Variants in ZFHX3 observed in about 807,000 individuals in gnomAD.
The protein encoded by ZFHX3 is zinc finger homeobox protein 3.
Under a neutral mutation model 279.1 loss-of-function variants are expected in ZFHX3, and 42 were observed. The ratio of observed to expected loss-of-function variants is 0.15; its 90% CI spans 0.12 to 0.19. ZFHX3 has a LOEUF of 0.19. ZFHX3 is among the 10% of genes least tolerant of loss of function. ZFHX3 has a pLI of 1.00. For missense variants in ZFHX3, 4,981 were observed against 4,754.0 expected (o/e 1.05, Z -1.40); for synonymous variants, 2,293 against 1,957.8 (o/e 1.17, Z -4.52).
Position 73,101,626 on chromosome 16 carries a change from T to A in ZFHX3, c.-896-8028A>T, listed in dbSNP as rs559269660. 1.9e-4 allele frequency among the ~76,000 whole-genome samples: 29 copies of A among 152,218 alleles called. No homozygotes were observed. The East Asian group carries it at 5.6e-3, about 29-fold the overall frequency. ...CATGTTGGCCAGGCTGGGCTCGAACTCCTGACATCAAGTGATCCGCTCACG... is the reference window on the plus strand; with the variant it reads ...CATGTTGGCCAGGCTGGGCTCGAACACCTGACATCAAGTGATCCGCTCACG... On this transcript the variant is annotated intron_variant, in intron 7 of 17. Coordinates refer to the ZFHX3 transcript ENST00000641206.
chr16:73,571,591 G>T (rs1408438662), intron 2 of ZFHX3, among the ~76,000 whole-genome samples: 1 of 152,076 alleles, frequency 6.6e-6, no homozygotes, highest in African/African-American at 2.4e-5. Flanking sequence ...TTGGTGTATG[G>T]TATACAGACC....
chr16:73,430,116 C>T (rs1385833933), intron 3 of ZFHX3, among the ~76,000 whole-genome samples: 1 of 152,102 alleles, frequency 6.6e-6, no homozygotes, highest in Non-Finnish European at 1.5e-5. Context: ...TCTCCAACTC[C>T]TGGCCTCAAG....
At chr16:72,828,359 T>A (rs1193931766) in intron 5 of ZFHX3, among the ~76,000 whole-genome samples, 1 of 152,252 alleles carries the variant, frequency 6.6e-6, no homozygotes, top group East Asian at 1.9e-4. Context: ...GAAATGACTT[T>A]GCTCCTCCTC....
intron 1 of ZFHX3, among the ~76,000 whole-genome samples, chr16:73,682,792 G>C (rs1450486087): frequency 1.7e-5 from 2 of 114,556 alleles, no homozygotes; most frequent in Non-Finnish European, 3.4e-5. Context: ...CATTTCAAAA[G>C]AAAGAAAGAA....
intron 2 of ZFHX3, among the ~76,000 whole-genome samples, chr16:73,528,005 G>A (rs775452716): frequency 6.6e-6 from 1 of 152,212 alleles, no homozygotes; most frequent in South Asian, 2.1e-4. Context: ...TGTATCAATA[G>A]AAAACTAATA....
intron 1 of ZFHX3, among the ~76,000 whole-genome samples, chr16:73,838,383 A>C (rs753950607): frequency 2.6e-5 from 4 of 152,206 alleles, no homozygotes; most frequent in Non-Finnish European, 4.4e-5. Flanking sequence ...AGTTAGGTAC[A>C]TGGGTGAATT....
chr16:73,612,801 T>C (rs924807810), intron 2 of ZFHX3, among the ~76,000 whole-genome samples: 1 of 152,156 alleles, frequency 6.6e-6, no homozygotes, highest in African/African-American at 2.4e-5. Context: ...TTAGCTGCAT[T>C]CTGAAAGCAG....
chr16:73,621,891 G>A (rs2052367341), intron 2 of ZFHX3, among the ~76,000 whole-genome samples: 2 of 152,136 alleles, frequency 1.3e-5, no homozygotes, highest in Non-Finnish European at 2.9e-5. Context: ...AAGACAGGAG[G>A]ATATGAAATG....
chr16:73,856,754 G>T (rs541356245), intron 1 of ZFHX3, among the ~76,000 whole-genome samples: 2 of 152,096 alleles, frequency 1.3e-5, no homozygotes, highest in East Asian at 1.9e-4. Flanking sequence ...ATCTTATCTT[G>T]ACCAGCCTGC....
At chr16:73,058,941 GGGAGGAGGA>G (rs547025423) in exon 1 of ZFHX3, 11 of 170,084 alleles carry the variant, frequency 6.5e-5, no homozygotes, top group Non-Finnish European at 9.8e-5. Context: ...GGCTGCGGCC[GGGAGGAGGA>G]GGAGGAGGAG....
chr16:72,941,219 T>A (rs1402189773), intron 3 of ZFHX3, among the ~76,000 whole-genome samples: 1 of 152,220 alleles, frequency 6.6e-6, no homozygotes, highest in Non-Finnish European at 1.5e-5. Context: ...AGAGAAAATT[T>A]CAGATTTCTT....
chr16:73,650,844 G>C (rs1166294710), intron 2 of ZFHX3, among the ~76,000 whole-genome samples: 1 of 152,020 alleles, frequency 6.6e-6, no homozygotes, highest in East Asian at 1.9e-4. Context: ...GATTTTCAAG[G>C]ACATTAAATA....
chr16:72,982,525 A>G (rs1236782652), intron 1 of ZFHX3, among the ~76,000 whole-genome samples: 1 of 152,242 alleles, frequency 6.6e-6, no homozygotes, highest in East Asian at 1.9e-4. Context: ...TCTAAATACG[A>G]GAAAAAGATA....
chr16:72,993,791 G>A (rs1400171179), intron 1 of ZFHX3, among the ~76,000 whole-genome samples: 2 of 152,062 alleles, frequency 1.3e-5, no homozygotes, highest in African/African-American at 4.8e-5. Flanking sequence ...TTTCCCACGT[G>A]GACCAGACTT....
At chr16:73,494,414 G>T (rs747349524) in intron 2 of ZFHX3, among the ~76,000 whole-genome samples, 1 of 152,114 alleles carries the variant, frequency 6.6e-6, no homozygotes, top group Non-Finnish European at 1.5e-5. Flanking sequence ...CTATTTTCTA[G>T]GTTGAATCAA....
Position 72,794,631 on chromosome 16 carries a change from A to G in ZFHX3, c.8051T>C (p.Val2684Ala). The G allele has an allele frequency of 6.2e-7, 1 of 1,614,146 alleles. No individual in the cohort carries two copies. The highest frequency in any genetic ancestry group is 2.2e-5 in the East Asian group (1 of 44,880). The change falls in exon 9 of 10, where the codon GTG (valine) becomes GCG (alanine). Residue 2684 changes from valine to alanine, a missense_variant. Transcript: ENST00000268489. The surrounding 1 kb of genome is among the most constrained non-coding windows in gnomAD (Gnocchi z 4.2). ...GGTGTTCTGAAACCAGACTTGTACCACACGTTTCTTCAAGCCCACCTCGTG... is the reference window on the plus strand; with the variant it reads ...GGTGTTCTGAAACCAGACTTGTACCGCACGTTTCTTCAAGCCCACCTCGTG... ...IAHEVGLKKR[V>A]VQVWFQNTRA...
intron 8 of ZFHX3, among the ~76,000 whole-genome samples, chr16:73,070,938 GCACACACACACACACA>G (rs768410525): frequency 5.7e-4 from 13 of 22,614 alleles, no homozygotes; most frequent in Non-Finnish European, 1.6e-3. Flanking sequence ...GCGCGCGCGC[GCACACACACACACACA>G]CACACACACA....
chr16:72,915,411 G>A (rs1002903783), intron 3 of ZFHX3, among the ~76,000 whole-genome samples: 17 of 152,230 alleles, frequency 1.1e-4, no homozygotes, highest in East Asian at 3.9e-4. Flanking sequence ...TCAGCGTGGC[G>A]GGCCTCTGCT....
chr16:73,090,991 C>T (rs1437385272), intron 8 of ZFHX3, among the ~76,000 whole-genome samples: 1 of 148,300 alleles, frequency 6.7e-6, no homozygotes, highest in African/African-American at 2.5e-5. Flanking sequence ...GCTAGCGGAT[C>T]ACAAGGTCAG....
Sources: allele counts gnomAD v4.1 joint callset (sites outside exome capture counted in the v4.1 genomes callset), GRCh38; gene constraint gnomAD v4.1.1; non-coding constraint Gnocchi (gnomAD v3.1); transcripts MANE v1.5; gene names NCBI Gene and HGNC (gene_info 2026-07-23, HGNC 2026-07-21).